KCNT2: variants seen among roughly 807,000 people sequenced by gnomAD.
KCNT2 encodes the protein potassium channel subfamily T member 2.
In KCNT2, 67 loss-of-function variants were observed where a neutral mutation model predicts 153.8. That is an observed-to-expected ratio of 0.44 (90% CI 0.36 to 0.53). KCNT2 has a LOEUF of 0.53. Among genes scored for constraint, KCNT2 ranks in the 20% least tolerant of loss-of-function variants. The pLI is 0.00. For missense variants in KCNT2, 975 were observed against 1,354.8 expected (o/e 0.72, Z 4.40); for synonymous variants, 500 against 458.8 (o/e 1.09, Z -1.15).
At chr1:196,305,970 A>G (rs1661592708) in intron 21 of KCNT2, among the ~76,000 whole-genome samples, 1 of 151,976 alleles carries the variant, frequency 6.6e-6, no homozygotes, top group Non-Finnish European at 1.5e-5. Context: ...TTCCCATTTG[A>G]CACTCTCTCA....
chr1:196,453,045 G>A (rs1478236317), intron 8 of KCNT2, among the ~76,000 whole-genome samples: 2 of 151,870 alleles, frequency 1.3e-5, no homozygotes, highest in East Asian at 3.9e-4. Flanking sequence ...AGCTGTTTTT[G>A]CCTGTTATTT....
intron 1 of KCNT2, among the ~76,000 whole-genome samples, chr1:196,515,315 A>G (rs1284774496): frequency 6.6e-6 from 1 of 152,236 alleles, no homozygotes; most frequent in Non-Finnish European, 1.5e-5. Context: ...AACTCCAGAT[A>G]TAAGACTATC....
At chr1:196,558,581 T>C (rs1166043294) in intron 1 of KCNT2, among the ~76,000 whole-genome samples, 1 of 151,390 alleles carries the variant, frequency 6.6e-6, no homozygotes, top group Non-Finnish European at 1.5e-5. Flanking sequence ...TGGCCAGTAA[T>C]TTGCCAGGAA....
intron 8 of KCNT2, among the ~76,000 whole-genome samples, chr1:196,443,527 G>A (rs1036541821): frequency 6.6e-6 from 1 of 151,314 alleles, no homozygotes; most frequent in African/African-American, 2.4e-5. Flanking sequence ...AAATACATGG[G>A]AACAAACACA....
intron 14 of KCNT2, among the ~76,000 whole-genome samples, chr1:196,358,178 C>CAACTCTG (rs1667327436): frequency 6.6e-6 from 1 of 151,442 alleles, no homozygotes; most frequent in Non-Finnish European, 1.5e-5. Flanking sequence ...TTGTATATTC[C>CAACTCTG]AACTCTGCAT....
At chr1:196,283,847 T>C (rs1203268221) in intron 23 of KCNT2, among the ~76,000 whole-genome samples, 1 of 152,138 alleles carries the variant, frequency 6.6e-6, no homozygotes, top group East Asian at 1.9e-4. Context: ...GTGTTGTTAA[T>C]ATTTTGTTTC....
At position 196,429,648 on chromosome 1, in the gene KCNT2, G is replaced by T. The variant is rs1158788691; in HGVS notation, c.748C>A (p.Pro250Thr). ...FSTVGFGDVT[P>T]ETWSSKLFVV... ...AAAAGCTTGGAGGACCATGTTTCAG[G>T]AGTGACATCCCCGAAGCCCACAGTA... The change falls in exon 9 of 28, where the codon CCT becomes ACT. Residue 250 changes from proline to threonine, a missense_variant. By Grantham distance (38) the Pro-to-Thr change is conservative. Around this residue, in one of 6 missense-constraint regions of KCNT2, gnomAD observed 202 missense variants for 314.9 expected, o/e 0.64. Transcript: ENST00000294725. The T allele has an allele frequency of 6.2e-7, 1 of 1,612,854 alleles. No individual in the cohort carries two copies.
At chr1:196,324,896 C>A (rs1663690216) in intron 19 of KCNT2, among the ~76,000 whole-genome samples, 1 of 151,986 alleles carries the variant, frequency 6.6e-6, no homozygotes, top group Non-Finnish European at 1.5e-5. Context: ...ATTCAGTAAT[C>A]AGACATTTTT....
intron 13 of KCNT2, among the ~76,000 whole-genome samples, 172 bp downstream of exon 13, chr1:196,398,391 C>T (rs1671128185): frequency 6.6e-6 from 1 of 151,522 alleles, no homozygotes; most frequent in Non-Finnish European, 1.5e-5. Context: ...TATCTTGTCA[C>T]ATATTAAAGT....
chr1:196,443,657 C>T (rs1675436448), intron 8 of KCNT2, among the ~76,000 whole-genome samples: 1 of 151,536 alleles, frequency 6.6e-6, no homozygotes. Context: ...TGAAAAGGTT[C>T]CCTAAAGCGT....
intron 14 of KCNT2, among the ~76,000 whole-genome samples, chr1:196,362,355 T>G (rs567618769): frequency 6.6e-6 from 1 of 152,208 alleles, no homozygotes; most frequent in Admixed American, 6.6e-5. Flanking sequence ...GACAATGGAT[T>G]TTTATTTTCC....
chr1:196,411,153 CT>C (rs1189296311), intron 12 of KCNT2, among the ~76,000 whole-genome samples: 1 of 147,438 alleles, frequency 6.8e-6, no homozygotes, highest in African/African-American at 2.5e-5. Flanking sequence ...TTCCTTCCTT[CT>C]TTTTTTCCTT....
chr1:196,411,145 C>A (rs556000744), intron 12 of KCNT2, among the ~76,000 whole-genome samples: 149 of 146,632 alleles, frequency 1.0e-3, no homozygotes, highest in Non-Finnish European at 1.6e-3. Context: ...TACCTCCCTT[C>A]CTTCCTTCTT....
At chr1:196,506,439 A>G (rs931243628) in intron 1 of KCNT2, among the ~76,000 whole-genome samples, 5 of 152,164 alleles carry the variant, frequency 3.3e-5, no homozygotes, top group African/African-American at 9.6e-5. Context: ...TTTACTTGGG[A>G]AAAATAAGCA....
chr1:196,265,743 C>T (rs764365459), intron 25 of KCNT2, among the ~76,000 whole-genome samples: 3 of 152,208 alleles, frequency 2.0e-5, no homozygotes, highest in East Asian at 1.9e-4. Context: ...GCTTCTGCTA[C>T]TGTTGCTGTC....
At chr1:196,348,089 T>C (rs911784602) in intron 14 of KCNT2, among the ~76,000 whole-genome samples, 2 of 152,112 alleles carry the variant, frequency 1.3e-5, no homozygotes, top group African/African-American at 4.8e-5. Context: ...AACAATGTTC[T>C]TCATGCTCAA....
intron 21 of KCNT2, among the ~76,000 whole-genome samples, chr1:196,312,416 A>T (rs1415999957): frequency 7.9e-5 from 12 of 151,766 alleles, no homozygotes; most frequent in South Asian, 2.1e-4. Context: ...AAATAAATTT[A>T]AAAAATGATA....
chr1:196,486,587 G>A (rs1456523131), intron 3 of KCNT2, among the ~76,000 whole-genome samples: 1 of 151,882 alleles, frequency 6.6e-6, no homozygotes, highest in Non-Finnish European at 1.5e-5. Flanking sequence ...TGGGAGTCAG[G>A]AGGTGAATAC....
intron 13 of KCNT2, among the ~76,000 whole-genome samples, chr1:196,379,559 G>A (rs1382459333): frequency 7.5e-6 from 1 of 133,646 alleles, no homozygotes; most frequent in Non-Finnish European, 1.6e-5. Context: ...GTAATACAGT[G>A]AGACTTTCTC....
Sources: allele counts gnomAD v4.1 joint callset (sites outside exome capture counted in the v4.1 genomes callset), GRCh38; gene constraint gnomAD v4.1.1; regional missense constraint gnomAD v4.1.1; transcripts MANE v1.5; gene names NCBI Gene and HGNC (gene_info 2026-07-23, HGNC 2026-07-21).